Variants in C1QTNF3 observed in about 807,000 individuals in gnomAD.
The protein encoded by C1QTNF3 is C1q and TNF related 3.
C1QTNF3 carries 26 observed loss-of-function variants against 32.6 expected under a neutral mutation model. That is an observed-to-expected ratio of 0.80 (90% CI 0.58 to 1.11). The LOEUF (loss-of-function observed/expected upper bound fraction) is 1.11. Ranked by LOEUF, C1QTNF3 falls within the 50% of genes least tolerant of loss-of-function variation. C1QTNF3 has a pLI of 0.00. For missense variants in C1QTNF3, 362 were observed against 398.2 expected (o/e 0.91, Z 0.77); for synonymous variants, 155 against 146.0 (o/e 1.06, Z -0.44).
At chr5:34,115,600 G>A in the C1QTNF3 span, among the ~76,000 whole-genome samples, 4 of 151,990 alleles carry the variant, frequency 2.6e-5, no homozygotes, top group African/African-American at 4.8e-5. Context: ...GCGTGGTGGC[G>A]AGCACCTGCA....
the C1QTNF3 span, among the ~76,000 whole-genome samples, chr5:34,242,266 T>C: frequency 6.6e-6 from 1 of 152,266 alleles, no homozygotes; most frequent in African/African-American, 2.4e-5. Flanking sequence ...AATTTCCAGC[T>C]ATACTATAAG....
At chr5:34,057,280 A>G in the C1QTNF3 span, among the ~76,000 whole-genome samples, 1 of 152,182 alleles carries the variant, frequency 6.6e-6, no homozygotes, top group Non-Finnish European at 1.5e-5. Flanking sequence ...CTGGCTTTTT[A>G]GTTGAAAGGA....
the C1QTNF3 span, among the ~76,000 whole-genome samples, chr5:34,194,940 G>A: frequency 6.8e-6 from 1 of 147,180 alleles, no homozygotes; most frequent in Admixed American, 6.7e-5. Flanking sequence ...CAAGAAAAAA[G>A]TCTTTACATG....
chr5:34,088,553 A>G, the C1QTNF3 span, among the ~76,000 whole-genome samples: 25 of 152,290 alleles, frequency 1.6e-4, 1 homozygote, highest in South Asian at 5.2e-3. Flanking sequence ...AACATATATA[A>G]TTGGACCAAT....
At chr5:34,138,129 G>A in the C1QTNF3 span, among the ~76,000 whole-genome samples, 1 of 152,126 alleles carries the variant, frequency 6.6e-6, no homozygotes, top group African/African-American at 2.4e-5. Context: ...AACCAAACCC[G>A]CTGACACCTT....
chr5:34,196,660 A>ATT, the C1QTNF3 span, among the ~76,000 whole-genome samples: 13,550 of 135,058 alleles, frequency 0.1, 89 homozygotes, highest in South Asian at 0.16. Flanking sequence ...TTAATTTTTA[A>ATT]TTTTTTTTTT....
chr5:34,094,755 A>G, the C1QTNF3 span, among the ~76,000 whole-genome samples: 1 of 148,938 alleles, frequency 6.7e-6, no homozygotes, highest in East Asian at 2.0e-4. Context: ...GTTCCAGAGC[A>G]AATTCAGTAG....
the C1QTNF3 span, among the ~76,000 whole-genome samples, chr5:34,204,521 T>C: frequency 1.3e-5 from 2 of 152,230 alleles, no homozygotes; most frequent in African/African-American, 2.4e-5. Context: ...TTCTCACTTA[T>C]AACTGGAAGC....
At chr5:34,102,611 A>G in the C1QTNF3 span, among the ~76,000 whole-genome samples, 1 of 152,156 alleles carries the variant, frequency 6.6e-6, no homozygotes, top group East Asian at 1.9e-4. Flanking sequence ...AAAAAAGTAA[A>G]AAAGATATGT....
At chr5:34,054,349 C>T in the C1QTNF3 span, among the ~76,000 whole-genome samples, 2 of 152,314 alleles carry the variant, frequency 1.3e-5, no homozygotes, top group South Asian at 4.1e-4. Context: ...TTCTGTATCT[C>T]AGTTCCCAGA....
chr5:34,060,044 T>C, the C1QTNF3 span, among the ~76,000 whole-genome samples: 2 of 152,180 alleles, frequency 1.3e-5, no homozygotes, highest in African/African-American at 4.8e-5. Flanking sequence ...GCCATTAAAT[T>C]ATAGCCTTCT....
chr5:34,243,598 A>C, the C1QTNF3 span, among the ~76,000 whole-genome samples: 1 of 152,212 alleles, frequency 6.6e-6, no homozygotes, highest in Non-Finnish European at 1.5e-5. Context: ...GATAAAGAAA[A>C]TGTGGTACAT....
chr5:34,195,903 G>A, the C1QTNF3 span, among the ~76,000 whole-genome samples: 4 of 152,272 alleles, frequency 2.6e-5, no homozygotes, highest in African/African-American at 9.6e-5. Context: ...ACTGGGAGGC[G>A]TGGCCTTTAG....
At chr5:34,224,157 C>T in the C1QTNF3 span, among the ~76,000 whole-genome samples, 339 of 152,182 alleles carry the variant, frequency 2.2e-3, 4 homozygotes, top group Admixed American at 0.021. Flanking sequence ...AAAGAGGATA[C>T]AAAGAAATAG....
chr5:34,200,784 C>T, the C1QTNF3 span: 2 of 152,098 alleles, frequency 1.3e-5, no homozygotes. Context: ...TAAGCTCTCT[C>T]TTAATTTAGA....
the C1QTNF3 span, among the ~76,000 whole-genome samples, chr5:34,240,176 A>G: frequency 5.3e-5 from 8 of 151,404 alleles, no homozygotes; most frequent in African/African-American, 1.9e-4. Context: ...TCATAAAGTT[A>G]GAAATATTTC....
the C1QTNF3 span, among the ~76,000 whole-genome samples, chr5:34,128,548 CA>C: frequency 2.0e-5 from 3 of 152,206 alleles, no homozygotes; most frequent in East Asian, 1.9e-4. Flanking sequence ...TGCAGAGACA[CA>C]AGAGTAGAAT....
At chr5:34,037,370 T>C (rs1428777867) in intron 1 of C1QTNF3, among the ~76,000 whole-genome samples, 1 of 152,192 alleles carries the variant, frequency 6.6e-6, no homozygotes, top group African/African-American at 2.4e-5. Context: ...GAAAAAAGAA[T>C]TTAAAATTCA....
chr5:34,020,348 G>C lies in C1QTNF3; in HGVS notation c.*235C>G. 2.4e-6 allele frequency: 1 copy of C among 417,232 alleles called. No individual in the cohort carries two copies. Among genetic ancestry groups the C allele is most frequent in the South Asian group, 5.8e-5 (1 of 17,234 alleles). 25.8% of individuals were successfully genotyped at this position (417,232 alleles called of 1,614,324 possible). ...ATCTTTTAGGTGCCAAGGAAAGAGT[G>C]ATAAAGATGCTGAGTATATTAGTCA... On this transcript the variant is annotated 3_prime_UTR_variant, in exon 6 of 6. Coordinates refer to ENST00000382065, the MANE Select transcript of C1QTNF3 (RefSeq NM_181435.6).
Sources: allele counts gnomAD v4.1 joint callset (sites outside exome capture counted in the v4.1 genomes callset), GRCh38; gene constraint gnomAD v4.1.1; transcripts MANE v1.5; gene names NCBI Gene and HGNC (gene_info 2026-07-23, HGNC 2026-07-21).